Variants in AP5Z1 observed in about 807,000 individuals in gnomAD.
AP5Z1 encodes adaptor related protein complex 5 subunit zeta 1.
A neutral mutation model predicts 83.0 loss-of-function variants in AP5Z1; 106 were observed. That is an observed-to-expected ratio of 1.28 (90% CI 1.09 to 1.50). The LOEUF (loss-of-function observed/expected upper bound fraction) is 1.50. Among genes scored for constraint, AP5Z1 ranks in the 40% most tolerant of loss-of-function variants. The pLI is 0.00. For missense variants in AP5Z1, 1,565 were observed against 1,094.2 expected, an observed-to-expected ratio of 1.43 and a Z score of -6.07; for synonymous variants, 751 against 514.1, an observed-to-expected ratio of 1.46 and a Z score of -6.23.
In AP5Z1 at chr7:4,792,196, A is replaced by C. The variant is rs1583244885; in HGVS notation, c.*811A>C. ...GCCCTGTGGTCCCACCCTCCGGACT[A>C]CCAAGGCACAGCTGTGTCGCACGTT... On this transcript the variant is annotated 3_prime_UTR_variant, in exon 17 of 17. Transcript: ENST00000649063. The C allele has an allele frequency of 6.6e-6, 1 of 152,120 alleles. No homozygotes were observed. The highest frequency in any genetic ancestry group is 1.9e-4 in the East Asian group (1 of 5,158). 9.4% of individuals were successfully genotyped at this position (152,120 alleles called of 1,614,324 possible). A position where few individuals can be genotyped will look rare whatever the true frequency, so the allele number is the denominator to read the frequency against.
chr7:4,785,278 C>T (rs576317809), intron 7 of AP5Z1, 137 bp from the exon 8 acceptor site: 3 of 1,327,782 alleles, frequency 2.3e-6, no homozygotes, highest in African/African-American at 2.9e-5. Context: ...CGCCTCAGTC[C>T]CACTCAAGTC....
At chr7:4,785,790 G>GAGA in intron 9 of AP5Z1, 106 bp downstream of exon 9, 1 of 1,329,226 alleles carries the variant, frequency 7.5e-7, no homozygotes, top group Non-Finnish European at 9.7e-7. Context: ...TGATTGAATA[G>GAGA]AGACAGGGGT....
chr7:4,788,650 G>A (rs1394242716), intron 12 of AP5Z1, 190 bp from the exon 13 acceptor site: 4 of 549,736 alleles, frequency 7.3e-6, no homozygotes, highest in Non-Finnish European at 1.3e-5. Context: ...TTGTCCCGAT[G>A]GCTTTACTGT....
At chr7:4,784,844 G>A in intron 6 of AP5Z1, 64 bp from the exon 7 acceptor site, 1 of 1,551,276 alleles carries the variant, frequency 6.4e-7, no homozygotes, top group Non-Finnish European at 8.8e-7. Context: ...TCCAAGCAGG[G>A]CAGCAGGCAT....
Position 4,790,517 on chromosome 7 carries a change from C to T in AP5Z1, c.1864C>T (p.Leu622=). ...CTLKPSLVVE[L]ARDLLEFLGS... is the part of the protein sequence containing the mutation. ...GCTGAAACCCTCCCTGGTGGTGGAGCTGGCAAGAGACCTGCTGGAGTTCCT... is the reference window on the plus strand; with the variant it reads ...GCTGAAACCCTCCCTGGTGGTGGAGTTGGCAAGAGACCTGCTGGAGTTCCT... The change falls in exon 15 of 17, where the codon CTG becomes TTG. Residue 622 remains leucine, a synonymous_variant. Transcript: ENST00000649063. 6.2e-7 allele frequency: 1 copy of T among 1,613,196 alleles called. No individual in the cohort carries two copies. The highest frequency in any genetic ancestry group is 8.5e-7 in the Non-Finnish European group (1 of 1,179,872).
At chr7:4,786,534 C>A in intron 10 of AP5Z1, 106 bp downstream of exon 10, 2 of 1,291,064 alleles carry the variant, frequency 1.5e-6, no homozygotes, top group Admixed American at 2.0e-5. Context: ...GAGCATAGAG[C>A]CCTGTGAGTC....
rs748347172 is a variant in AP5Z1 at position 4,789,821 on chromosome 7, C to G, written c.1708-11C>G. ...GTGGGGCTGAGCCTGTTTCCCACTCCTGACCCCCAGGTGGCTGACGGGTCC... is the reference window on the plus strand; with the variant it reads ...GTGGGGCTGAGCCTGTTTCCCACTCGTGACCCCCAGGTGGCTGACGGGTCC... On this transcript the variant is annotated splice_polypyrimidine_tract_variant and intron_variant, in intron 13 of 16. Coordinates refer to ENST00000649063, the MANE Select transcript of AP5Z1 (RefSeq NM_014855.3). 3.2e-6 allele frequency: 5 copies of G among 1,550,296 alleles called. No homozygotes were observed. Among genetic ancestry groups the G allele is most frequent in the Non-Finnish European group, 4.4e-6 (5 of 1,146,684 alleles).
rs1318037036 is a variant in AP5Z1, at chr7:4,793,919, T to A, written c.*2534T>A. The A allele has an allele frequency of 6.5e-6, 1 of 152,682 alleles. No individual in the cohort carries two copies. The highest frequency in any genetic ancestry group is 1.5e-5 in the Non-Finnish European group (1 of 68,426). The allele number at this position is 152,682 out of a possible 1,614,324, so 9.5% of individuals were successfully genotyped here. A position where few individuals can be genotyped will look rare whatever the true frequency, so the allele number is the denominator to read the frequency against. ...CAGGCAGCTCTACCTGCAGCCCCTG[T>A]GCAGGATCCACTGGGTGAAAGCCAG... On this transcript the variant is annotated 3_prime_UTR_variant, in exon 17 of 17. Transcript: ENST00000649063.
Position 4,786,307 on chromosome 7 carries a change from C to T in AP5Z1, c.1190C>T (p.Pro397Leu), listed in dbSNP as rs759329689. The change falls in exon 10 of 17, where the codon CCG (proline) becomes CTG (leucine). Residue 397 changes from proline to leucine, a missense_variant. Transcript: ENST00000649063. ...AVYQHLFTRI[P>L]VEQFHSPMLA... ...TACCAGCACCTGTTCACCAGGATCC[C>T]GGTGGAGCAGTTCCACAGCCCCATG... 45 of 1,613,614 alleles carry T rather than the reference C, an allele frequency of 2.8e-5. No individual in the cohort carries two copies. Among genetic ancestry groups the T allele is most frequent in the Middle Eastern group, 1.6e-4 (1 of 6,078 alleles).
chr7:4,788,665 G>C (rs1218731789), intron 12 of AP5Z1, 175 bp from the exon 13 acceptor site: 4 of 585,854 alleles, frequency 6.8e-6, no homozygotes, highest in Non-Finnish European at 8.8e-6. Flanking sequence ...TACTGTCCCG[G>C]GTGTGCTGAC....
rs757612218 is a variant in AP5Z1 at position 4,781,602 on chromosome 7, A to ACCCTCGGCCTGCCTGCATGCCC, written c.216_237dup (p.Glu80ProfsTer25). The ACCCTCGGCCTGCCTGCATGCCC allele has an allele frequency of 6.2e-7, 1 of 1,609,454 alleles. No homozygotes were observed. The highest frequency in any genetic ancestry group is 8.5e-7 in the Non-Finnish European group (1 of 1,177,330). ...GACATGCGTAGACCTGCTGCAGGCC[A>ACCCTCGGCCTGCCTGCATGCCC]CCCTCGGCCTGCCTGCATGCCCCGA... On this transcript the variant is annotated frameshift_variant, in exon 3 of 17. Coordinates refer to ENST00000649063, the MANE Select transcript of AP5Z1 (RefSeq NM_014855.3). LOFTEE classifies it high-confidence loss of function.
chr7:4,783,114 C>G (rs1298726474), intron 3 of AP5Z1, among the ~76,000 whole-genome samples: 1 of 152,208 alleles, frequency 6.6e-6, no homozygotes, highest in Non-Finnish European at 1.5e-5. Flanking sequence ...CTCAGCGATG[C>G]AGCTCCCAGG....
Position 4,794,312 on chromosome 7 carries a change from C to G in AP5Z1, c.*2927C>G, listed in dbSNP as rs1247757241. The G allele has an allele frequency of 6.6e-6, 1 of 152,278 alleles. No individual in the cohort carries two copies. The highest frequency in any genetic ancestry group is 2.4e-5 in the African/African-American group (1 of 41,446). The allele number at this position is 152,278 out of a possible 1,614,324, so 9.4% of individuals were successfully genotyped here. On this transcript the variant is annotated 3_prime_UTR_variant, in exon 17 of 17. Transcript: ENST00000649063. ...TGAGAATAAAAGCAGGCTGCCCGAG[C>G]CAGCAGTGACAACCCACTCGGGTCC... is the stretch of plus-strand genomic sequence containing the variant.
chr7:4,787,600 G>T (rs762087419), intron 10 of AP5Z1, 34 bp from the exon 11 acceptor site: 2 of 1,539,688 alleles, frequency 1.3e-6, no homozygotes, highest in East Asian at 2.5e-5. Flanking sequence ...CCACAGCTCC[G>T]AGCCGTGTCC....
intron 1 of AP5Z1, among the ~76,000 whole-genome samples, chr7:4,776,916 A>G (rs1373842446): frequency 1.3e-5 from 2 of 152,154 alleles, no homozygotes; most frequent in Admixed American, 6.6e-5. Context: ...ACGAGACTCC[A>G]TGTCAAAACA....
chr7:4,784,074 C>A, intron 5 of AP5Z1, 129 bp from the exon 6 acceptor site: 1 of 1,171,210 alleles, frequency 8.5e-7, no homozygotes, highest in Non-Finnish European at 1.2e-6. Flanking sequence ...TTGCATCACA[C>A]AGGGCGGGCC....
At chr7:4,777,492 A>G (rs1048747973) in intron 1 of AP5Z1, among the ~76,000 whole-genome samples, 49 of 152,116 alleles carry the variant, frequency 3.2e-4, no homozygotes, top group South Asian at 1.2e-3. Context: ...GGTTCAAGCA[A>G]TTCTCCTGCC....
intron 1 of AP5Z1, among the ~76,000 whole-genome samples, chr7:4,777,260 G>A: frequency 6.6e-6 from 1 of 152,062 alleles, no homozygotes; most frequent in East Asian, 1.9e-4. Context: ...CTTGCCAAGA[G>A]ACAAGGAAAA....
At chr7:4,783,913 A>G in intron 5 of AP5Z1, 115 bp downstream of exon 5, 1 of 1,157,216 alleles carries the variant, frequency 8.6e-7, no homozygotes, top group Non-Finnish European at 1.2e-6. Context: ...GTCCAGGACG[A>G]GCCTGCCTCT....
Sources: allele counts gnomAD v4.1 joint callset (sites outside exome capture counted in the v4.1 genomes callset), GRCh38; gene constraint gnomAD v4.1.1; transcripts MANE v1.5; gene names NCBI Gene and HGNC (gene_info 2026-07-23, HGNC 2026-07-21).